Variants in STPG2 observed in about 807,000 individuals in gnomAD.
STPG2 encodes the protein sperm-tail PG-rich repeat-containing protein 2.
A neutral mutation model predicts 54.2 loss-of-function variants in STPG2; 56 were observed. The ratio of observed to expected loss-of-function variants is 1.03; its 90% CI spans 0.83 to 1.29. The LOEUF is 1.29. Among genes scored for constraint, STPG2 ranks in the 50% most tolerant of loss-of-function variants. The pLI is 0.00. For synonymous variants in STPG2, 200 were observed against 181.8 expected (o/e 1.10, Z -0.81); for missense variants, 596 against 544.9 (o/e 1.09, Z -0.93).
chr4:97,831,738 A>C (rs1728470791), intron 9 of STPG2, among the ~76,000 whole-genome samples: 1 of 152,232 alleles, frequency 6.6e-6, no homozygotes, highest in African/African-American at 2.4e-5. Context: ...AATACTATAA[A>C]TGCCTCTACA....
At chr4:97,699,367 C>T (rs751493235) in intron 10 of STPG2, among the ~76,000 whole-genome samples, 3 of 152,214 alleles carry the variant, frequency 2.0e-5, no homozygotes, top group Admixed American at 6.5e-5. Context: ...CTAAAATGCT[C>T]CTCTGTCGAG....
chr4:97,869,725 T>C (rs1729912894), intron 8 of STPG2, among the ~76,000 whole-genome samples: 1 of 151,668 alleles, frequency 6.6e-6, no homozygotes, highest in Non-Finnish European at 1.5e-5. Flanking sequence ...ACATAACCTT[T>C]AGAAGTATTG....
At chr4:97,772,714 T>C (rs1726256681) in intron 9 of STPG2, among the ~76,000 whole-genome samples, 1 of 152,104 alleles carries the variant, frequency 6.6e-6, no homozygotes. Flanking sequence ...CTCAAAATTA[T>C]AACAATAAAA....
At chr4:97,523,894 A>C (rs1448356258) in intron 4 of STPG2, among the ~76,000 whole-genome samples, 1 of 152,010 alleles carries the variant, frequency 6.6e-6, no homozygotes, top group Non-Finnish European at 1.5e-5. Flanking sequence ...ACTTTCAGTA[A>C]AGTGAGAGAC....
At chr4:98,091,829 A>G (rs1329188410) in intron 5 of STPG2, among the ~76,000 whole-genome samples, 2 of 152,044 alleles carry the variant, frequency 1.3e-5, no homozygotes, top group African/African-American at 4.8e-5. Flanking sequence ...GAGTATTATT[A>G]TTCATATTTT....
At chr4:97,935,080 A>G (rs892393855) in intron 8 of STPG2, among the ~76,000 whole-genome samples, 1 of 151,966 alleles carries the variant, frequency 6.6e-6, no homozygotes, top group Non-Finnish European at 1.5e-5. Flanking sequence ...CTACTGTAGT[A>G]TGGTGTGGTG....
At chr4:97,858,371 C>T (rs923601394) in intron 8 of STPG2, among the ~76,000 whole-genome samples, 2 of 152,104 alleles carry the variant, frequency 1.3e-5, no homozygotes, top group Admixed American at 1.3e-4. Context: ...GCAAACCTTA[C>T]AGGCCATGAA....
chr4:97,717,722 A>C (rs148585338), intron 9 of STPG2, among the ~76,000 whole-genome samples: 1 of 152,304 alleles, frequency 6.6e-6, no homozygotes, highest in East Asian at 1.9e-4. Flanking sequence ...ACCAGTCATA[A>C]ATGTGGGTGT....
intron 4 of STPG2, among the ~76,000 whole-genome samples, chr4:97,460,733 G>A (rs1170491293): frequency 1.3e-5 from 2 of 152,128 alleles, no homozygotes; most frequent in African/African-American, 2.4e-5. Flanking sequence ...CCTCCAAAAC[G>A]CTCTTATGTT....
At chr4:97,483,266 A>C (rs1417555402) in intron 4 of STPG2, among the ~76,000 whole-genome samples, 2 of 151,786 alleles carry the variant, frequency 1.3e-5, no homozygotes, top group African/African-American at 2.4e-5. Flanking sequence ...TAAATGCTCC[A>C]CTTAAAAGGT....
At chr4:97,708,416 A>C in intron 10 of STPG2, among the ~76,000 whole-genome samples, 1 of 152,002 alleles carries the variant, frequency 6.6e-6, no homozygotes, top group East Asian at 1.9e-4. Flanking sequence ...AAGTAAAGGG[A>C]AATATGGCTG....
chr4:97,681,380 A>C (rs1196371228), intron 10 of STPG2, among the ~76,000 whole-genome samples: 1 of 151,844 alleles, frequency 6.6e-6, no homozygotes, highest in African/African-American at 2.4e-5. Flanking sequence ...ATTTATGGGA[A>C]AAATTCTGTG....
intron 9 of STPG2, among the ~76,000 whole-genome samples, chr4:97,722,206 AG>A (rs1359625419): frequency 2.0e-5 from 3 of 152,092 alleles, no homozygotes. Context: ...TGTATAAATG[AG>A]ACATAAATTA....
chr4:98,143,309 G>T lies in STPG2; in HGVS notation c.-159C>A. On this transcript the variant is annotated 5_prime_UTR_variant, in exon 1 of 11. Coordinates refer to ENST00000295268, the MANE Select transcript of STPG2 (RefSeq NM_174952.3). Reference sequence around the variant, plus strand: ...AAATTAGGGGTGGGGTTGTCTCCCCGCCCGCTCATTGATACCAGATTTCCT... The same window carrying T: ...AAATTAGGGGTGGGGTTGTCTCCCCTCCCGCTCATTGATACCAGATTTCCT... 1.7e-6 allele frequency: 1 copy of T among 594,406 alleles called. No homozygotes were observed. 36.8% of individuals were successfully genotyped at this position (594,406 alleles called of 1,614,324 possible). A position where few individuals can be genotyped will look rare whatever the true frequency, so the allele number is the denominator to read the frequency against.
intron 4 of STPG2, among the ~76,000 whole-genome samples, chr4:97,525,999 C>T (rs1578362202): frequency 6.6e-6 from 1 of 151,934 alleles, no homozygotes; most frequent in African/African-American, 2.4e-5. Flanking sequence ...AAGCAAGTCA[C>T]CAGACATTCT....
chr4:97,663,811 A>G (rs1011194104), intron 10 of STPG2, among the ~76,000 whole-genome samples: 1 of 152,200 alleles, frequency 6.6e-6, no homozygotes, highest in Non-Finnish European at 1.5e-5. Flanking sequence ...CGATGAAACT[A>G]AAACAATAAG....
intron 4 of STPG2, among the ~76,000 whole-genome samples, chr4:97,444,498 G>GA (rs1342684464): frequency 8.5e-5 from 13 of 152,092 alleles, no homozygotes; most frequent in South Asian, 4.1e-4. Context: ...AATGCTCAAA[G>GA]AAAATATGCC....
chr4:97,493,238 C>G (rs1157117940), intron 4 of STPG2, among the ~76,000 whole-genome samples: 1 of 151,134 alleles, frequency 6.6e-6, no homozygotes, highest in Non-Finnish European at 1.5e-5. Context: ...GAGGAAAAAG[C>G]AAAACAAAAC....
At chr4:97,878,386 C>T (rs1227098851) in intron 8 of STPG2, among the ~76,000 whole-genome samples, 2 of 152,192 alleles carry the variant, frequency 1.3e-5, no homozygotes, top group African/African-American at 4.8e-5. Flanking sequence ...GAGGGCCCCA[C>T]CCCTGCAGCA....
Sources: gnomAD v4.1 joint callset for allele counts (sites outside exome capture counted in the v4.1 genomes callset) on GRCh38, gnomAD v4.1.1 for gene constraint, MANE v1.5 for transcripts, NCBI Gene and HGNC (gene_info 2026-07-23, HGNC 2026-07-21) for gene names.